Variants in EOMES observed in about 807,000 individuals in gnomAD.
EOMES encodes eomesodermin, also known as eomesodermin homolog.
In EOMES, 18 loss-of-function variants were observed where a neutral mutation model predicts 61.0. The ratio of observed to expected loss-of-function variants is 0.30; its 90% CI spans 0.20 to 0.44. The LOEUF (loss-of-function observed/expected upper bound fraction) is 0.44, where lower values mean the gene tolerates loss of function less well. Ranked by LOEUF, EOMES falls within the 20% of genes least tolerant of loss-of-function variation. The pLI is 1.00. For synonymous variants in EOMES, 430 were observed against 394.0 expected, an observed-to-expected ratio of 1.09 and a Z score of -1.08; for missense variants, 885 against 939.2, an observed-to-expected ratio of 0.94 and a Z score of 0.75.
In EOMES at chr3:27,721,627, C is replaced by G; in HGVS notation, c.668G>C (p.Gly223Ala). The part of the protein sequence containing the change: ...GAGSGAGGSS[G>A]GGGGPGTYQY... ...ATAGGTGCCCGGGCCGCCGCCCCCG[C>G]CGCTGCTACCGCCCGCGCCACTGCC... is the stretch of plus-strand genomic sequence containing the variant. The change falls in exon 1 of 6, where the codon GGC (glycine) becomes GCC (alanine). Residue 223 changes from glycine to alanine, a missense_variant. Gly to Ala is a moderately conservative substitution (Grantham distance 60). Transcript: ENST00000449599. This position sits in a 1 kb window ranked among gnomAD's most constrained non-coding sequence, Gnocchi z 7.4. 1 of 1,542,472 alleles carries G rather than the reference C, an allele frequency of 6.5e-7. No homozygotes were observed. The highest frequency in any genetic ancestry group is 8.7e-7 in the Non-Finnish European group (1 of 1,147,584).
intron 2 of EOMES, 140 bp downstream of exon 2, chr3:27,720,031 A>T (rs2060599023): frequency 2.7e-6 from 2 of 740,102 alleles, no homozygotes; most frequent in Non-Finnish European, 4.3e-6. Flanking sequence ...AGCAACTCAA[A>T]GACACTCATA....
At position 27,721,738 on chromosome 3, in the gene EOMES, G is replaced by C. The variant is rs1280717230; in HGVS notation, c.557C>G (p.Pro186Arg). ...GCCGGGGGGCAGCATGGAGCCGTAGGGGTAGCGCGCCCCGTTAGGAGCCGG... is the reference window on the plus strand; with the variant it reads ...GCCGGGGGGCAGCATGGAGCCGTAGCGGTAGCGCGCCCCGTTAGGAGCCGG... ...VYPAPNGARY[P>R]YGSMLPPGGF... The change falls in exon 1 of 6, where the codon CCC (proline) becomes CGC (arginine). Residue 186 changes from proline (P) to arginine (R), a missense_variant. Transcript: ENST00000449599. This position sits in a 1 kb window ranked among gnomAD's most constrained non-coding sequence, Gnocchi z 7.4. 1 of 1,485,230 alleles carries C rather than the reference G, an allele frequency of 6.7e-7. No homozygotes were observed. Among genetic ancestry groups the C allele is most frequent in the Non-Finnish European group, 8.9e-7 (1 of 1,129,122 alleles). 92.0% of individuals were successfully genotyped at this position (1,485,230 alleles called of 1,614,324 possible).
rs771939067 is a variant in EOMES, at chr3:27,717,503, C to T, written c.1685G>A (p.Ser562Asn). 1 of 1,614,140 alleles carries T rather than the reference C, an allele frequency of 6.2e-7. No homozygotes were observed. Among genetic ancestry groups the T allele is most frequent in the Non-Finnish European group, 8.5e-7 (1 of 1,180,002 alleles). ...TTTAATGCCATATGGGAGCAATGTG[C>T]TAGAAGTATATTCAGATTCATAGGA... ...ISSYESEYTS[S>N]TLLPYGIKSL... Residue 562 changes from serine (S) to asparagine (N), a missense_variant, in exon 6 of 6, where the codon AGC (serine) becomes AAC (asparagine). Around this residue, in one of 3 missense-constraint regions of EOMES, gnomAD observed 259 missense variants for 282.3 expected, o/e 0.92. Transcript: ENST00000449599. This position sits in a 1 kb window ranked among gnomAD's most constrained non-coding sequence, Gnocchi z 4.5.
At position 27,719,498 on chromosome 3, in the gene EOMES, C is replaced by T; in HGVS notation, c.1037-17G>A. On this transcript the variant is annotated splice_polypyrimidine_tract_variant and intron_variant, in intron 2 of 5. Transcript: ENST00000449599. The stretch of plus-strand genomic sequence containing the variant: ...TTTTGTTGCCTAAGAGAAAATGAAA[C>T]AAAACACAAAACCCAAGCATATAGG... The T allele has an allele frequency of 6.2e-7, 1 of 1,611,158 alleles. No individual in the cohort carries two copies. Among genetic ancestry groups the T allele is most frequent in the Non-Finnish European group, 8.5e-7 (1 of 1,178,336 alleles).
Position 27,721,914 on chromosome 3 carries a change from CGCGGCGGCGGCGGCGGCGGCGGCTGCA to C in EOMES, c.354_380del (p.Ala122_Ala130del), listed in dbSNP as rs752087865. ...TGGAGTAGCGCGCAGTGGCCGCAGC[CGCGGCGGCGGCGGCGGCGGCGGCTGCA>C]GCGGCGGAGGGCAGCTCCTCCTCCC... On this transcript the variant is annotated inframe_deletion, in exon 1 of 6. Coordinates refer to ENST00000449599, the MANE Select transcript of EOMES (RefSeq NM_001278182.2). This position sits in a 1 kb window ranked among gnomAD's most constrained non-coding sequence, Gnocchi z 7.4. The C allele has an allele frequency of 6.1e-6, 7 of 1,152,658 alleles. No homozygotes were observed. Among genetic ancestry groups the C allele is most frequent in the African/African-American group, 5.2e-5 (3 of 57,204 alleles). 71.4% of individuals were successfully genotyped at this position (1,152,658 alleles called of 1,614,324 possible). A position where few individuals can be genotyped will look rare whatever the true frequency, so the allele number is the denominator to read the frequency against.
Position 27,720,289 on chromosome 3 carries a change from T to C in EOMES, c.918A>G (p.Gly306=). The change falls in exon 2 of 6, where the codon GGA becomes GGG. Residue 306 remains glycine (G), a synonymous_variant. Transcript: ENST00000449599. ...MFPFLSFNIN[G]LNPTAHYNVF... is the part of the protein sequence containing the mutation. ...CATTGTAGTGGGCAGTGGGATTGAG[T>C]CCGTTTATGTTGAAGCTCAAGAAAG... 6.2e-7 allele frequency: 1 copy of C among 1,613,668 alleles called. No individual in the cohort carries two copies.
Position 27,721,938 on chromosome 3 carries a change from T to C in EOMES, c.357A>G (p.Ala119=). 9.9e-7 allele frequency: 1 copy of C among 1,006,184 alleles called. No individual in the cohort carries two copies. The allele number at this position is 1,006,184 out of a possible 1,614,324, so 62.3% of individuals were successfully genotyped here. A position where few individuals can be genotyped will look rare whatever the true frequency, so the allele number is the denominator to read the frequency against. The change falls in exon 1 of 6, where the codon GCA becomes GCG. Residue 119 remains alanine (A), a synonymous_variant. Transcript: ENST00000449599. The surrounding 1 kb of genome is among the most constrained non-coding windows in gnomAD (Gnocchi z 7.4). ...CCGCGGCGGCGGCGGCGGCGGCGGC[T>C]GCAGCGGCGGAGGGCAGCTCCTCCT... ...CGEEELPSAA[A]AAAAAAAAAA...
chr3:27,717,831 T>TAAAAA lies in EOMES; in HGVS notation c.1380-28_1380-24dup. The TAAAAA allele has an allele frequency of 4.3e-6, 5 of 1,153,658 alleles. No homozygotes were observed. The highest frequency in any genetic ancestry group is 5.8e-5 in the East Asian group (2 of 34,442). The allele number at this position is 1,153,658 out of a possible 1,614,324, so 71.5% of individuals were successfully genotyped here. A position where few individuals can be genotyped will look rare whatever the true frequency, so the allele number is the denominator to read the frequency against. On this transcript the variant is annotated intron_variant, in intron 5 of 5. Coordinates refer to ENST00000449599, the MANE Select transcript of EOMES (RefSeq NM_001278182.2). This position sits in a 1 kb window ranked among gnomAD's most constrained non-coding sequence, Gnocchi z 4.5. ...ATGCTACAATATAAAGAGAAACACT[T>TAAAAA]AAAAAAAAAAAAAAACCCTAATGTT...
At chr3:27,720,404 C>T in intron 1 of EOMES, 79 bp from the exon 2 acceptor site, 1 of 1,215,760 alleles carries the variant, frequency 8.2e-7, no homozygotes, top group South Asian at 1.2e-5. Flanking sequence ...GCGGGTTCCC[C>T]AGACACCTGG....
Position 27,721,934 on chromosome 3 carries a change from C to A in EOMES, c.361G>T (p.Ala121Ser). The change falls in exon 1 of 6, where the codon GCC (alanine) becomes TCC (serine). Residue 121 changes from alanine to serine, a missense_variant. Coordinates refer to ENST00000449599, the MANE Select transcript of EOMES (RefSeq NM_001278182.2). The surrounding 1 kb of genome is among the most constrained non-coding windows in gnomAD (Gnocchi z 7.4). ...EEELPSAAAA[A>S]AAAAAAAAAT... ...GCAGCCGCGGCGGCGGCGGCGGCGG[C>A]GGCTGCAGCGGCGGAGGGCAGCTCC... 7.3e-7 allele frequency: 1 copy of A among 1,370,696 alleles called. No homozygotes were observed. The highest frequency in any genetic ancestry group is 2.0e-5 in the South Asian group (1 of 49,418). The allele number at this position is 1,370,696 out of a possible 1,614,324, so 84.9% of individuals were successfully genotyped here. A position where few individuals can be genotyped will look rare whatever the true frequency, so the allele number is the denominator to read the frequency against.
At position 27,721,150 on chromosome 3, in the gene EOMES, C is replaced by T. The variant is rs2060609431; in HGVS notation, c.881+264G>A. Reference sequence around the variant, plus strand: ...CATGCCCTAATTTCCATTTCCGCCTCCTCCAGGTCTGTTCAGGTGAGGATG... The same window carrying T: ...CATGCCCTAATTTCCATTTCCGCCTTCTCCAGGTCTGTTCAGGTGAGGATG... On this transcript the variant is annotated intron_variant, in intron 1 of 5. Transcript: ENST00000449599. The surrounding 1 kb of genome is among the most constrained non-coding windows in gnomAD (Gnocchi z 7.4). Among the ~76,000 whole-genome samples, 3 of 152,176 alleles carry T rather than the reference C, an allele frequency of 2.0e-5. No homozygotes were observed. The highest frequency in any genetic ancestry group is 1.9e-4 in the East Asian group (1 of 5,176).
rs1232900126 is a variant in EOMES at position 27,721,952 on chromosome 3, G to A, written c.343C>T (p.Pro115Ser). The A allele has an allele frequency of 2.8e-6, 4 of 1,414,542 alleles. No individual in the cohort carries two copies. Among genetic ancestry groups the A allele is most frequent in the East Asian group, 3.1e-5 (1 of 32,706 alleles). The allele number at this position is 1,414,542 out of a possible 1,614,324, so 87.6% of individuals were successfully genotyped here. ...GCGGCGGCGGCTGCAGCGGCGGAGG[G>A]CAGCTCCTCCTCCCCGCAGGGGGAG... The part of the protein sequence containing the change: ...KGSPCGEEEL[P>S]SAAAAAAAAA... The change falls in exon 1 of 6, where the codon CCC becomes TCC. Residue 115 changes from proline (P) to serine (S), a missense_variant. Physicochemically the swap from Pro to Ser is moderately conservative, Grantham distance 74 (BLOSUM62 -1). This residue lies in a region of EOMES where 449 missense variants were observed against 383.6 expected (regional missense o/e 1.17). Transcript: ENST00000449599. This position sits in a 1 kb window ranked among gnomAD's most constrained non-coding sequence, Gnocchi z 7.4.
chr3:27,719,286 G>T, intron 3 of EOMES, 74 bp downstream of exon 3: 2 of 1,420,760 alleles, frequency 1.4e-6, no homozygotes, highest in South Asian at 1.2e-5. Context: ...ACAGTGAAAA[G>T]AGTAGGGACT....
In EOMES at chr3:27,718,892, A is replaced by G; in HGVS notation, c.1160T>C (p.Met387Thr). The G allele has an allele frequency of 6.2e-7, 1 of 1,606,428 alleles. No individual in the cohort carries two copies. The highest frequency in any genetic ancestry group is 8.5e-7 in the Non-Finnish European group (1 of 1,175,074). ...TTTGTGTAAGGATTGTAAGACTATC[A>G]TCTGGAAAGAGTACAGAAAAAAATT... ...NKGANNNNTQ[M>T]IVLQSLHKYQ... The change falls in exon 4 of 6, where the codon ATG (methionine) becomes ACG (threonine). Residue 387 changes from methionine to threonine, a missense_variant and splice_region_variant. By Grantham distance (81) the Met-to-Thr change is moderately conservative. Coordinates refer to ENST00000449599, the MANE Select transcript of EOMES (RefSeq NM_001278182.2).
At position 27,717,873 on chromosome 3, in the gene EOMES, C is replaced by G; in HGVS notation, c.1380-65G>C. On this transcript the variant is annotated intron_variant, in intron 5 of 5. Transcript: ENST00000449599. The surrounding 1 kb of genome is among the most constrained non-coding windows in gnomAD (Gnocchi z 4.5). Reference sequence around the variant, plus strand: ...CCTAATGTTGTCCCCAAACAAACCACCTCCCAGAAATGAAAAAGGCTTGTG... The same window carrying G: ...CCTAATGTTGTCCCCAAACAAACCAGCTCCCAGAAATGAAAAAGGCTTGTG... 8.2e-7 allele frequency: 1 copy of G among 1,219,580 alleles called. No individual in the cohort carries two copies. The highest frequency in any genetic ancestry group is 1.7e-5 in the South Asian group (1 of 59,900). 75.5% of individuals were successfully genotyped at this position (1,219,580 alleles called of 1,614,324 possible).
intron 2 of EOMES, 39 bp from the exon 3 acceptor site, chr3:27,719,520 T>C (rs1477064289): frequency 6.3e-7 from 1 of 1,594,814 alleles, no homozygotes. Context: ...CCCAAGCATA[T>C]AGGGCTGTTT....
At position 27,716,145 on chromosome 3, in the gene EOMES, G is replaced by C. The variant is rs1175772185; in HGVS notation, c.*925C>G. 1 of 152,172 alleles carries C rather than the reference G, an allele frequency of 6.6e-6. No individual in the cohort carries two copies. The highest frequency in any genetic ancestry group is 2.4e-5 in the African/African-American group (1 of 41,442). The allele number at this position is 152,172 out of a possible 1,614,324, so 9.4% of individuals were successfully genotyped here. A position where few individuals can be genotyped will look rare whatever the true frequency, so the allele number is the denominator to read the frequency against. On this transcript the variant is annotated 3_prime_UTR_variant, in exon 6 of 6. Transcript: ENST00000449599. The stretch of plus-strand genomic sequence containing the variant: ...ACACGGTTCAAGTTAGTACATAGTA[G>C]CTGAATACATTCTTAACTATCTAAG...
chr3:27,720,417 T>C (rs568643913), intron 1 of EOMES, 92 bp from the exon 2 acceptor site: 1 of 1,027,484 alleles, frequency 9.7e-7, no homozygotes. Context: ...ACACCTGGGA[T>C]AGGGTCGGAA....
In EOMES at chr3:27,717,718, G is replaced by A. The variant is rs567195383; in HGVS notation, c.1470C>T (p.Gly490=). The change falls in exon 6 of 6, where the codon GGC becomes GGT. Residue 490 remains glycine (G), a synonymous_variant. Transcript: ENST00000449599. The surrounding 1 kb of genome is among the most constrained non-coding windows in gnomAD (Gnocchi z 4.5). The stretch of plus-strand genomic sequence containing the variant: ...AGGGCTCCGGGAAGAAGGATTGAAC[G>A]CCGTACCGACCTCCAGGGACAATCT... ...SHQIVPGGRY[G]VQSFFPEPFV... 214 of 1,613,690 alleles carry A rather than the reference G, an allele frequency of 1.3e-4. No individual in the cohort carries two copies. The highest frequency in any genetic ancestry group is 1.6e-4 in the Non-Finnish European group (193 of 1,179,916).
Sources: gnomAD v4.1 joint callset for allele counts (sites outside exome capture counted in the v4.1 genomes callset) on GRCh38, gnomAD v4.1.1 for gene constraint, gnomAD v4.1.1 regional missense constraint, Gnocchi (gnomAD v3.1) non-coding constraint, MANE v1.5 for transcripts, NCBI Gene and HGNC (gene_info 2026-07-23, HGNC 2026-07-21) for gene names.